Variants in COL5A3 observed in about 807,000 individuals in gnomAD.
COL5A3 encodes collagen type V alpha 3 chain, also known as collagen alpha-3(V) chain.
A neutral mutation model predicts 250.0 loss-of-function variants in COL5A3; 172 were observed. The ratio of observed to expected loss-of-function variants is 0.69; its 90% CI spans 0.61 to 0.78. COL5A3 has a LOEUF of 0.78. Ranked by LOEUF, COL5A3 falls within the 30% of genes least tolerant of loss-of-function variation. The pLI is 0.00. For synonymous variants in COL5A3, 937 were observed against 900.4 expected (o/e 1.04, Z -0.73); for missense variants, 2,340 against 2,334.4 (o/e 1.00, Z -0.05).
At chr19:9,992,077 A>T in intron 21 of COL5A3, 29 bp from the exon 22 acceptor site, 1 of 1,607,910 alleles carries the variant, frequency 6.2e-7, no homozygotes, top group African/African-American at 1.3e-5. Flanking sequence ...TGAGACCAAG[A>T]CAGAGCAACA....
chr19:9,983,895 G>A (rs2087057512), intron 31 of COL5A3, among the ~76,000 whole-genome samples: 1 of 150,940 alleles, frequency 6.6e-6, no homozygotes, highest in Non-Finnish European at 1.5e-5. Flanking sequence ...TCAATGTAAA[G>A]GGAAATCACT....
intron 64 of COL5A3, among the ~76,000 whole-genome samples, chr19:9,965,156 C>CTTTTTTTTTTT (rs771519552): frequency 1.0e-5 from 1 of 100,302 alleles, no homozygotes; most frequent in Admixed American, 1.0e-4. Flanking sequence ...TTTTCTTTTT[C>CTTTTTTTTTTT]TTTTTTTTTT....
chr19:9,974,337 T>A lies in COL5A3; in HGVS notation c.3414A>T (p.Arg1138Ser). 1 of 1,612,468 alleles carries A rather than the reference T, an allele frequency of 6.2e-7. No individual in the cohort carries two copies. The highest frequency in any genetic ancestry group is 8.5e-7 in the Non-Finnish European group (1 of 1,179,278). ...LFGQKGDDGVRGFVGVIGPPG... is the reference protein window; with the variant it reads ...LFGQKGDDGVSGFVGVIGPPG... ...GAGGGCCAATCACCCCCACAAAGCCTCTGACTCCGTCATCTCCTTTCTGCC... is the reference window on the plus strand; with the variant it reads ...GAGGGCCAATCACCCCCACAAAGCCACTGACTCCGTCATCTCCTTTCTGCC... The change falls in exon 46 of 67, where the codon AGA becomes AGT. Residue 1138 changes from arginine to serine, a missense_variant. Arg to Ser is a moderately radical substitution (Grantham distance 110). Around this residue, in one of 3 missense-constraint regions of COL5A3, gnomAD observed 1,179 missense variants for 1,162.6 expected, o/e 1.01. Coordinates refer to ENST00000264828, the MANE Select transcript of COL5A3 (RefSeq NM_015719.4).
At chr19:9,993,537 C>T in intron 18 of COL5A3, 82 bp downstream of exon 18, 1 of 1,582,902 alleles carries the variant, frequency 6.3e-7, no homozygotes, top group South Asian at 1.1e-5. Context: ...GGGATCATGA[C>T]TCTGATACTG....
intron 11 of COL5A3, chr19:9,997,058 G>T: frequency 1.9e-6 from 1 of 535,864 alleles, no homozygotes; most frequent in Non-Finnish European, 3.3e-6. Flanking sequence ...ATGGACGGAG[G>T]GAGAGGGACA....
chr19:9,964,688 T>G (rs1183052027), intron 64 of COL5A3, among the ~76,000 whole-genome samples: 2 of 151,682 alleles, frequency 1.3e-5, no homozygotes, highest in African/African-American at 4.8e-5. Flanking sequence ...TACCTGCAGA[T>G]AGAGGTATTA....
chr19:9,992,987 C>A, intron 20 of COL5A3, 36 bp downstream of exon 20: 3 of 1,611,692 alleles, frequency 1.9e-6, no homozygotes, highest in Non-Finnish European at 2.5e-6. Flanking sequence ...CCCTCCCCTG[C>A]ACCAAGCAAG....
chr19:9,996,659 T>C lies in COL5A3; in HGVS notation c.1294A>G (p.Ile432Val), dbSNP rs751967017. Reference sequence around the variant, plus strand: ...CCCGGTGGGCCTCGGATCCCATCAATGCCGGGGATTCCTGGGAGGCCAGCA... The same window carrying C: ...CCCGGTGGGCCTCGGATCCCATCAACGCCGGGGATTCCTGGGAGGCCAGCA... ...GPAGLPGIPG[I>V]DGIRGPPGTV... The change falls in exon 12 of 67, where the codon ATT becomes GTT. Residue 432 changes from isoleucine (I) to valine (V), a missense_variant. Transcript: ENST00000264828. The C allele has an allele frequency of 1.2e-6, 2 of 1,608,212 alleles. No homozygotes were observed. Among genetic ancestry groups the C allele is most frequent in the East Asian group, 2.2e-5 (1 of 44,828 alleles).
Position 9,971,272 on chromosome 19 carries a change from TG to T in COL5A3, c.3775-15del. The T allele has an allele frequency of 1.3e-6, 2 of 1,557,916 alleles. No homozygotes were observed. The highest frequency in any genetic ancestry group is 1.7e-6 in the Non-Finnish European group (2 of 1,157,150). On this transcript the variant is annotated splice_polypyrimidine_tract_variant and intron_variant, in intron 51 of 66. Coordinates refer to ENST00000264828, the MANE Select transcript of COL5A3 (RefSeq NM_015719.4). ...CCCCGTGGGGCCCTGGAACACAGAA[TG>T]ATTAATAATCACATCTCTGAATTGT...
intron 4 of COL5A3, 43 bp from the exon 5 acceptor site, chr19:10,004,188 G>T: frequency 6.9e-7 from 1 of 1,456,094 alleles, no homozygotes; most frequent in Non-Finnish European, 9.6e-7. Context: ...CAGCCATACA[G>T]CCATAGGCTT....
rs869106530 is a variant in COL5A3, at chr19:9,997,763, T to TA, written c.1200+220dup. 2.6e-5 allele frequency among the ~76,000 whole-genome samples: 4 copies of TA among 151,954 alleles called. No individual in the cohort carries two copies. In the East Asian group the frequency reaches 5.8e-4, roughly 22 times the overall value. On this transcript the variant is annotated intron_variant, in intron 10 of 66. Coordinates refer to ENST00000264828, the MANE Select transcript of COL5A3 (RefSeq NM_015719.4). ...ACTACAGTTGGGTGCCACTATTTTT[T>TA]AAAAAAATATATGGCTATTTTTAAA...
Position 9,986,763 on chromosome 19 carries a change from A to AAAAT in COL5A3, c.2146-9_2146-6dup. ...GCCCCGGTTGCCTGAAGTGCCCTGG[A>AAAAT]AAATAAAAAAAAAAAGCTCTCAAGC... On this transcript the variant is annotated splice_polypyrimidine_tract_variant and splice_region_variant and intron_variant, in intron 27 of 66. Coordinates refer to ENST00000264828, the MANE Select transcript of COL5A3 (RefSeq NM_015719.4). The AAAAT allele has an allele frequency of 6.4e-7, 1 of 1,574,760 alleles. No homozygotes were observed. The highest frequency in any genetic ancestry group is 8.5e-7 in the Non-Finnish European group (1 of 1,170,432).
chr19:9,986,739 C>T lies in COL5A3; in HGVS notation c.2165G>A (p.Gly722Asp), dbSNP rs2087105845. 6.2e-7 allele frequency: 1 copy of T among 1,612,396 alleles called. No homozygotes were observed. The highest frequency in any genetic ancestry group is 2.2e-5 in the East Asian group (1 of 44,786). ...RGVKGTSGNRGLQGEKGEKGE... is the reference protein window; with the variant it reads ...RGVKGTSGNRDLQGEKGEKGE... Reference sequence around the variant, plus strand: ...CTTCTCGCCTTTCTCCCCCTGGAGGCCCCGGTTGCCTGAAGTGCCCTGGAA... The same window carrying T: ...CTTCTCGCCTTTCTCCCCCTGGAGGTCCCGGTTGCCTGAAGTGCCCTGGAA... Residue 722 changes from glycine to aspartate, a missense_variant, in exon 28 of 67, where the codon GGC becomes GAC. Physicochemically the swap from Gly to Asp is moderately conservative, Grantham distance 94. This residue lies in a region of COL5A3 where 1,152 missense variants were observed against 1,146.3 expected (regional missense o/e 1.00). Transcript: ENST00000264828.
chr19:9,980,900 G>C (rs755637297), intron 33 of COL5A3, 41 bp from the exon 34 acceptor site: 7 of 1,579,086 alleles, frequency 4.4e-6, no homozygotes, highest in South Asian at 1.1e-5. Flanking sequence ...ATGAGGGGGT[G>C]GGGGAGCCTG....
chr19:9,960,431 G>A lies in COL5A3; in HGVS notation c.5218C>T (p.Pro1740Ser), dbSNP rs1403555440. Reference sequence around the variant, plus strand: ...CACTCTCAGCTGCTGAAGCAGACGGGGCCCAGTTCAAACCCAAACTTTTGG... The same window carrying A: ...CACTCTCAGCTGCTGAAGCAGACGGAGCCCAGTTCAAACCCAAACTTTTGG... The part of the protein sequence containing the change: ...TNQKFGFELG[P>S]VCFSS Residue 1740 changes from proline (P) to serine (S), a missense_variant, in exon 67 of 67, where the codon CCC (proline) becomes TCC (serine). Around this residue, in one of 3 missense-constraint regions of COL5A3, gnomAD observed 1,179 missense variants for 1,162.6 expected, o/e 1.01. Coordinates refer to ENST00000264828, the MANE Select transcript of COL5A3 (RefSeq NM_015719.4). 3 of 1,614,042 alleles carry A rather than the reference G, an allele frequency of 1.9e-6. No individual in the cohort carries two copies. Among genetic ancestry groups the A allele is most frequent in the East Asian group, 2.2e-5 (1 of 44,896 alleles).
chr19:9,986,878 A>AG (rs3214451), intron 27 of COL5A3, 120 bp from the exon 28 acceptor site: 195,303 of 1,063,796 alleles, frequency 0.18, 19,868 homozygotes, highest in East Asian at 0.21. Context: ...AGAAGCTGGG[A>AG]GGGGCAGCTT....
chr19:9,993,353 C>A (rs1478901404), intron 19 of COL5A3, 27 bp downstream of exon 19: 1 of 1,613,144 alleles, frequency 6.2e-7, no homozygotes, highest in African/African-American at 1.3e-5. Flanking sequence ...CTTTCCAAAC[C>A]AGGCCCTAAC....
At chr19:9,972,204 C>T (rs925832436) in intron 51 of COL5A3, among the ~76,000 whole-genome samples, 4 of 152,202 alleles carry the variant, frequency 2.6e-5, no homozygotes, top group Non-Finnish European at 4.4e-5. Flanking sequence ...CTCATTTATT[C>T]GTGCACATTT....
intron 35 of COL5A3, among the ~76,000 whole-genome samples, chr19:9,980,299 C>A (rs186303385): frequency 1.6e-4 from 24 of 152,312 alleles, no homozygotes; most frequent in African/African-American, 5.8e-4. Context: ...CAAGGTCACA[C>A]AGTAGGTGAG....
Sources: gnomAD v4.1 joint callset for allele counts (sites outside exome capture counted in the v4.1 genomes callset) on GRCh38, gnomAD v4.1.1 for gene constraint, gnomAD v4.1.1 regional missense constraint, MANE v1.5 for transcripts, NCBI Gene and HGNC (gene_info 2026-07-23, HGNC 2026-07-21) for gene names.